The following ATP2C2 variants were observed in gnomAD, a reference collection of about 807,000 sequenced individuals.
The protein encoded by ATP2C2 is ATPase secretory pathway Ca2+ transporting 2, also known as calcium-transporting ATPase type 2C member 2.
Under a neutral mutation model 110.8 loss-of-function variants are expected in ATP2C2, and 171 were observed. That is an observed-to-expected ratio of 1.54 (90% confidence interval 1.36 to 1.75). ATP2C2 has a LOEUF of 1.75. Among genes scored for constraint, ATP2C2 ranks in the 40% most tolerant of loss-of-function variants. The pLI is 0.00. For missense variants in ATP2C2, 1,963 were observed against 1,235.0 expected (o/e 1.59, Z -8.84); for synonymous variants, 804 against 508.4 (o/e 1.58, Z -7.82).
chr16:84,397,674 C>A (rs1476310579), intron 1 of ATP2C2, among the ~76,000 whole-genome samples: 260 of 38,044 alleles, frequency 6.8e-3, no homozygotes, highest in South Asian at 0.014. Flanking sequence ...AAAAAAAAAA[C>A]TTGCTTAAAA....
At position 84,455,117 on chromosome 16, in the gene ATP2C2, C is replaced by G. The variant is rs879407513; in HGVS notation, c.2147+133C>G. ...CCAGGGAGAGCTGAATCTCGGGGCT[C>G]GTCAGTGTGGCAGGTGCCCCCAACC... On this transcript the variant is annotated intron_variant, in intron 21 of 26. Transcript: ENST00000262429. 9.1e-6 allele frequency: 11 copies of G among 1,212,066 alleles called. No homozygotes were observed. In the Admixed American group the frequency reaches 2.9e-4, roughly 31 times the overall value. 75.1% of individuals were successfully genotyped at this position (1,212,066 alleles called of 1,614,324 possible).
intron 20 of ATP2C2, among the ~76,000 whole-genome samples, chr16:84,453,616 C>G (rs867584360): frequency 1.3e-5 from 2 of 152,120 alleles, no homozygotes; most frequent in African/African-American, 4.8e-5. Context: ...GCAACACTTG[C>G]GCTGACAGCC....
Position 84,415,901 on chromosome 16 carries a change from C to T in ATP2C2, c.624+310C>T, listed in dbSNP as rs143309646. On this transcript the variant is annotated intron_variant, in intron 7 of 26. Coordinates refer to ENST00000262429, the MANE Select transcript of ATP2C2 (RefSeq NM_014861.4). ...GGCTTGGGGAATGATGTGAGAGTTG[C>T]CTCTCAAAACAGACACACAAGTGTT... Among the ~76,000 whole-genome samples, 374 of 152,260 alleles carry T rather than the reference C, an allele frequency of 2.5e-3. 1 individual carries two copies. Among genetic ancestry groups the T allele is most frequent in the African/African-American group, 8.4e-3 (349 of 41,534 alleles).
At position 84,368,642 on chromosome 16, in the gene ATP2C2, C is replaced by A; in HGVS notation, c.27C>A (p.Phe9Leu). MVEGRVSE[F>L]LKKLGFSGGG... is the part of the protein sequence containing the mutation. Reference sequence around the variant, plus strand: ...TGGTCGAGGGACGCGTCTCCGAGTTCCTGAAGAAACTCGGCTTCTCGGGCG... The same window carrying A: ...TGGTCGAGGGACGCGTCTCCGAGTTACTGAAGAAACTCGGCTTCTCGGGCG... The change falls in exon 1 of 27, where the codon TTC becomes TTA. Residue 9 changes from phenylalanine to leucine, a missense_variant. By Grantham distance (22) the Phe-to-Leu change is conservative. Coordinates refer to ENST00000262429, the MANE Select transcript of ATP2C2 (RefSeq NM_014861.4). The A allele has an allele frequency of 6.4e-7, 1 of 1,566,210 alleles. No individual in the cohort carries two copies. Among genetic ancestry groups the A allele is most frequent in the East Asian group, 2.5e-5 (1 of 40,452 alleles).
At position 84,415,599 on chromosome 16, in the gene ATP2C2, G is replaced by T; in HGVS notation, c.624+8G>T. ...GACATCCGACTCACTGAGGTGAGTG[G>T]TTCCAAACCCTTGTCAATGGGGTAT... On this transcript the variant is annotated splice_region_variant and intron_variant, in intron 7 of 26. Transcript: ENST00000262429. 1 of 1,603,956 alleles carries T rather than the reference G, an allele frequency of 6.2e-7. No homozygotes were observed. Among genetic ancestry groups the T allele is most frequent in the African/African-American group, 1.3e-5 (1 of 74,656 alleles).
At chr16:84,459,722 C>A in intron 23 of ATP2C2, 2 of 753,924 alleles carry the variant, frequency 2.7e-6, no homozygotes, top group Admixed American at 2.5e-5. Flanking sequence ...CACTCCCACT[C>A]AATCCCCTCA....
chr16:84,453,853 G>A (rs1031403654), intron 20 of ATP2C2, among the ~76,000 whole-genome samples: 1 of 152,032 alleles, frequency 6.6e-6, no homozygotes, highest in Non-Finnish European at 1.5e-5. Flanking sequence ...TGGGGGTGGG[G>A]TTGTAGGTAC....
At chr16:84,388,706 C>T (rs1057352401) in intron 1 of ATP2C2, among the ~76,000 whole-genome samples, 1 of 152,222 alleles carries the variant, frequency 6.6e-6, no homozygotes, top group African/African-American at 2.4e-5. Context: ...CATTGATTCT[C>T]TCCAAAGGCA....
At chr16:84,394,598 A>G (rs1278150537) in intron 1 of ATP2C2, among the ~76,000 whole-genome samples, 2 of 152,132 alleles carry the variant, frequency 1.3e-5, no homozygotes, top group Non-Finnish European at 2.9e-5. Context: ...TCTAGAAGCC[A>G]GAAGTCAAAA....
chr16:84,430,302 G>A (rs1224341508), intron 11 of ATP2C2, among the ~76,000 whole-genome samples: 3 of 152,286 alleles, frequency 2.0e-5, no homozygotes, highest in Admixed American at 6.5e-5. Context: ...ACCCGTCTAC[G>A]CGAACGGCAA....
chr16:84,426,026 T>C, intron 11 of ATP2C2: 1 of 569,830 alleles, frequency 1.8e-6, no homozygotes, highest in Non-Finnish European at 3.1e-6. Context: ...GGTGTCCCTT[T>C]TGTATTAGGC....
At position 84,459,155 on chromosome 16, in the gene ATP2C2, ACAT is replaced by A; in HGVS notation, c.2186_2188del (p.Ile729del). 1 of 1,614,156 alleles carries A rather than the reference ACAT, an allele frequency of 6.2e-7. No homozygotes were observed. The highest frequency in any genetic ancestry group is 8.5e-7 in the Non-Finnish European group (1 of 1,180,038). On this transcript the variant is annotated inframe_deletion, in exon 22 of 27. Transcript: ENST00000262429. ...GAGGAAGGCAAGGGTATTTTTTACA[ACAT>A]CAAAAACTTTGTCCGATTCCAGCTG...
At chr16:84,393,842 G>A (rs532331773) in intron 1 of ATP2C2, among the ~76,000 whole-genome samples, 2 of 151,734 alleles carry the variant, frequency 1.3e-5, no homozygotes, top group African/African-American at 4.8e-5. Context: ...GTTCCTGCCT[G>A]TAGCTTGTAA....
chr16:84,385,404 A>T (rs1029316133), intron 1 of ATP2C2, among the ~76,000 whole-genome samples: 2 of 152,210 alleles, frequency 1.3e-5, no homozygotes, highest in African/African-American at 4.8e-5. Flanking sequence ...AACATTAGAG[A>T]ATAGAATTGG....
chr16:84,413,917 G>C (rs1906608707), intron 6 of ATP2C2, among the ~76,000 whole-genome samples: 1 of 152,126 alleles, frequency 6.6e-6, no homozygotes, highest in Admixed American at 6.5e-5. Context: ...TCGGCCTTTG[G>C]GGACCTCACA....
intron 1 of ATP2C2, 72 bp from the exon 2 acceptor site, chr16:84,398,427 T>A: frequency 2.1e-6 from 2 of 932,884 alleles, no homozygotes; most frequent in Non-Finnish European, 3.0e-6. Flanking sequence ...CTAATAAAAA[T>A]AAAAAATAAA....
chr16:84,460,553 C>T, intron 23 of ATP2C2, 101 bp from the exon 24 acceptor site: 1 of 1,545,798 alleles, frequency 6.5e-7, no homozygotes. Context: ...GGCCCTGCCC[C>T]CTGTGCCAAC....
chr16:84,370,410 C>A (rs1222216485), intron 1 of ATP2C2, among the ~76,000 whole-genome samples: 1 of 152,222 alleles, frequency 6.6e-6, no homozygotes, highest in Admixed American at 6.5e-5. Context: ...AGAAGCCATG[C>A]TGTCTCCAGA....
intron 11 of ATP2C2, 146 bp downstream of exon 11, chr16:84,425,947 A>G (rs1436756475): frequency 3.1e-6 from 3 of 962,010 alleles, no homozygotes; most frequent in African/African-American, 1.6e-5. Flanking sequence ...GCCTCCCAAT[A>G]GCATGTTCTC....
Sources: allele counts gnomAD v4.1 joint callset (sites outside exome capture counted in the v4.1 genomes callset), GRCh38; gene constraint gnomAD v4.1.1; transcripts MANE v1.5; gene names NCBI Gene and HGNC (gene_info 2026-07-23, HGNC 2026-07-21).